Variants in GRIN2B observed in about 807,000 individuals in gnomAD.
The protein encoded by GRIN2B is glutamate ionotropic receptor NMDA type subunit 2B.
A neutral mutation model predicts 114.5 loss-of-function variants in GRIN2B; 5 were observed. That is an observed-to-expected ratio of 0.04 (90% CI 0.02 to 0.09). The LOEUF is 0.09. GRIN2B is among the 10% of genes least tolerant of loss of function. GRIN2B has a pLI of 1.00. For synonymous variants in GRIN2B, 787 were observed against 745.1 expected, an observed-to-expected ratio of 1.06 and a Z score of -0.92; for missense variants, 1,108 against 1,943.5, an observed-to-expected ratio of 0.57 and a Z score of 8.08.
chr12:13,567,563 AT>A (rs1302450191), intron 12 of GRIN2B, among the ~76,000 whole-genome samples: 4 of 152,348 alleles, frequency 2.6e-5, no homozygotes, highest in African/African-American at 9.6e-5. Context: ...AAATTGGCAT[AT>A]AAATAATCAC....
At chr12:13,962,396 C>G (rs1354472727) in intron 2 of GRIN2B, among the ~76,000 whole-genome samples, 2 of 152,202 alleles carry the variant, frequency 1.3e-5, no homozygotes. Flanking sequence ...ATATATCCAC[C>G]AGCCTGCAGT....
At position 13,551,971 on chromosome 12, in the gene GRIN2B, A is replaced by G. The variant is rs887499698; in HGVS notation, c.*10812T>C. 29 of 150,264 alleles carry G rather than the reference A, an allele frequency of 1.9e-4. No homozygotes were observed. The highest frequency in any genetic ancestry group is 4.0e-4 in the Admixed American group (6 of 15,044). 9.3% of individuals were successfully genotyped at this position (150,264 alleles called of 1,614,324 possible). On this transcript the variant is annotated 3_prime_UTR_variant, in exon 14 of 14. Coordinates refer to ENST00000609686, the MANE Select transcript of GRIN2B (RefSeq NM_000834.5). ...GGCAGGCATGTTTTGTTTCATTTCG[A>G]AAAAAAAACAATCCCCTCTGGAAAC...
At chr12:13,570,380 A>G (rs1948690910) in intron 11 of GRIN2B, among the ~76,000 whole-genome samples, 2 of 152,212 alleles carry the variant, frequency 1.3e-5, no homozygotes, top group Non-Finnish European at 2.9e-5. Context: ...ATGGGGTTAG[A>G]TTTATATAAC....
chr12:13,885,191 G>T (rs762056957), intron 2 of GRIN2B, among the ~76,000 whole-genome samples: 1 of 152,088 alleles, frequency 6.6e-6, no homozygotes, highest in Non-Finnish European at 1.5e-5. Context: ...GTTAGTGGTG[G>T]GAAACAATGT....
intron 3 of GRIN2B, among the ~76,000 whole-genome samples, chr12:13,853,084 T>G (rs1198551313): frequency 3.9e-5 from 6 of 152,210 alleles, no homozygotes; most frequent in Non-Finnish European, 7.3e-5. Context: ...CTTCTCACCA[T>G]GAAAATCTCA....
intron 4 of GRIN2B, among the ~76,000 whole-genome samples, chr12:13,692,760 C>CTTTTTTTTTTTTTTTTTTTT (rs71067718): frequency 1.5e-4 from 8 of 52,122 alleles, no homozygotes; most frequent in African/African-American, 3.8e-4. Context: ...TCTTTCTTTT[C>CTTTTTTTTTTTTTTTTTTTT]TTTTTTTTTT....
intron 3 of GRIN2B, among the ~76,000 whole-genome samples, chr12:13,807,742 A>G (rs1864634814): frequency 9.0e-6 from 1 of 110,788 alleles, no homozygotes. Flanking sequence ...TTTTGTAGTC[A>G]GGCAAGTCAC....
At chr12:13,969,920 T>A (rs1391908387) in intron 2 of GRIN2B, among the ~76,000 whole-genome samples, 1 of 152,216 alleles carries the variant, frequency 6.6e-6, no homozygotes, top group African/African-American at 2.4e-5. Flanking sequence ...TGGTGCAATC[T>A]CAGCTCACTG....
At chr12:13,689,723 A>G (rs2284408) in intron 4 of GRIN2B, among the ~76,000 whole-genome samples, 113,910 of 151,538 alleles carry the variant, frequency 0.75, 43,626 homozygotes, top group Middle Eastern at 0.87. Context: ...GTCTGCTCTC[A>G]GCAAAGGATC....
chr12:13,853,154 C>G (rs1337348928), intron 3 of GRIN2B, among the ~76,000 whole-genome samples: 4 of 152,172 alleles, frequency 2.6e-5, no homozygotes, highest in Non-Finnish European at 5.9e-5. Context: ...CACAATACCT[C>G]TTTCTGCTAT....
chr12:13,742,385 G>A (rs889955358), intron 4 of GRIN2B, among the ~76,000 whole-genome samples: 2 of 152,138 alleles, frequency 1.3e-5, no homozygotes, highest in Admixed American at 6.5e-5. Flanking sequence ...TCTCAAAGTT[G>A]TCTACCAAAG....
chr12:13,588,538 A>G (rs1948963074), intron 10 of GRIN2B, among the ~76,000 whole-genome samples: 1 of 152,224 alleles, frequency 6.6e-6, no homozygotes, highest in Non-Finnish European at 1.5e-5. Flanking sequence ...GAAGATATTA[A>G]AAGGATGAAG....
chr12:13,561,050 G>A lies in GRIN2B; in HGVS notation c.*1733C>T, dbSNP rs186973533. 1.3e-5 allele frequency: 2 copies of A among 152,056 alleles called. No individual in the cohort carries two copies. The highest frequency in any genetic ancestry group is 4.2e-4 in the South Asian group (2 of 4,818). The allele number at this position is 152,056 out of a possible 1,614,324, so 9.4% of individuals were successfully genotyped here. Reference sequence around the variant, plus strand: ...TGTAGGGGAGGATGGCAGGACAGTGGAACTGACCCATAGAATAAATAGCCC... The same window carrying A: ...TGTAGGGGAGGATGGCAGGACAGTGAAACTGACCCATAGAATAAATAGCCC... On this transcript the variant is annotated 3_prime_UTR_variant, in exon 14 of 14. Transcript: ENST00000609686.
intron 2 of GRIN2B, among the ~76,000 whole-genome samples, chr12:13,927,966 C>CAAAAAAAAAAAAAAAAAA (rs57736516): frequency 2.7e-5 from 1 of 37,614 alleles, no homozygotes; most frequent in Non-Finnish European, 4.7e-5. Context: ...GACCCTGTCT[C>CAAAAAAAAAAAAAAAAAA]AAAAAAAAAA....
intron 2 of GRIN2B, among the ~76,000 whole-genome samples, chr12:13,944,105 C>T (rs191247786): frequency 6.6e-6 from 1 of 152,114 alleles, no homozygotes; most frequent in Admixed American, 6.5e-5. Flanking sequence ...ATGGATGGGC[C>T]TATTCATTAC....
At chr12:13,682,069 A>G (rs1014777940) in intron 4 of GRIN2B, among the ~76,000 whole-genome samples, 1 of 152,186 alleles carries the variant, frequency 6.6e-6, no homozygotes, top group South Asian at 2.1e-4. Flanking sequence ...ATATTTAAAA[A>G]TTAGATTTTC....
intron 8 of GRIN2B, among the ~76,000 whole-genome samples, chr12:13,613,526 A>G (rs920012520): frequency 1.3e-5 from 2 of 152,148 alleles, no homozygotes; most frequent in East Asian, 3.9e-4. Context: ...TTTTCATTGT[A>G]TTACATTGCT....
intron 2 of GRIN2B, among the ~76,000 whole-genome samples, chr12:13,940,454 G>A (rs879224016): frequency 2.5e-4 from 36 of 146,144 alleles, no homozygotes; most frequent in Non-Finnish European, 4.6e-4. Context: ...ACACACACAC[G>A]CACACACACG....
At chr12:13,915,363 A>G (rs1866697925) in intron 2 of GRIN2B, among the ~76,000 whole-genome samples, 1 of 152,180 alleles carries the variant, frequency 6.6e-6, no homozygotes. Context: ...CGAACCTGCT[A>G]GTTGTACCCA....
Sources: gnomAD v4.1 joint callset for allele counts (sites outside exome capture counted in the v4.1 genomes callset) on GRCh38, gnomAD v4.1.1 for gene constraint, MANE v1.5 for transcripts, NCBI Gene and HGNC (gene_info 2026-07-23, HGNC 2026-07-21) for gene names.